DDX42: variants seen among roughly 807,000 people sequenced by gnomAD.
DDX42 encodes ATP-dependent RNA helicase DDX42.
A neutral mutation model predicts 101.5 loss-of-function variants in DDX42; 22 were observed. The ratio of observed to expected loss-of-function variants is 0.22; its 90% CI spans 0.15 to 0.31. The LOEUF (loss-of-function observed/expected upper bound fraction) is 0.31, where lower values mean the gene tolerates loss of function less well. DDX42 is among the 10% of genes least tolerant of loss of function. The pLI, the probability that DDX42 is intolerant of heterozygous loss-of-function variation, is 1.00. For synonymous variants in DDX42, 402 were observed against 401.2 expected (o/e 1.00, Z -0.02); for missense variants, 849 against 1,199.9 (o/e 0.71, Z 4.32).
Position 63,805,131 on chromosome 17 carries a change from A to T in DDX42, c.682A>T (p.Thr228Ser), listed in dbSNP as rs1238330319. 6.2e-7 allele frequency: 1 copy of T among 1,613,122 alleles called. No individual in the cohort carries two copies. The highest frequency in any genetic ancestry group is 1.7e-5 in the Admixed American group (1 of 59,762). Residue 228 changes from threonine to serine, a missense_variant, in exon 7 of 18, where the codon ACT (threonine) becomes TCT (serine). By Grantham distance (58) the Thr-to-Ser change is moderately conservative. Around this residue, in one of 5 missense-constraint regions of DDX42, gnomAD observed 370 missense variants for 608.8 expected, o/e 0.61. Transcript: ENST00000389924. ...TGAGCATGAAGAGATAACCAACCTC[A>T]CTCCACAGCAGTTAATAGATCTCCG... The part of the protein sequence containing the change: ...YNEHEEITNL[T>S]PQQLIDLRHK...
intron 14 of DDX42, 29 bp from the exon 15 acceptor site, chr17:63,813,199 T>C (rs1272252039): frequency 6.4e-7 from 1 of 1,567,672 alleles, no homozygotes; most frequent in Non-Finnish European, 8.7e-7. Context: ...AGATGAAGAA[T>C]AAAAGAATTT....
At chr17:63,793,987 T>C (rs1458142440) in intron 3 of DDX42, among the ~76,000 whole-genome samples, 1 of 152,054 alleles carries the variant, frequency 6.6e-6, no homozygotes, top group Non-Finnish European at 1.5e-5. Flanking sequence ...CTAATTTCGC[T>C]TGCTTAGTAG....
chr17:63,806,427 T>A, intron 7 of DDX42, 108 bp from the exon 8 acceptor site: 1 of 1,279,272 alleles, frequency 7.8e-7, no homozygotes, highest in Non-Finnish European at 1.0e-6. Context: ...ACTTGTATTT[T>A]TACTTCATAC....
chr17:63,810,553 C>T lies in DDX42; in HGVS notation c.1293C>T (p.Asp431=), dbSNP rs149469109. 1.4e-5 allele frequency: 22 copies of T among 1,613,912 alleles called. No homozygotes were observed. In the African/African-American group the frequency reaches 2.3e-4, roughly 17 times the overall value. ...CCATAGCAAGTCATGTTCGTCCTGA[C>T]AGGCAGAGTATGTATGAAGCACCTT... The part of the protein sequence containing the change: ...VRSIASHVRP[D]RQTLLFSATF... Residue 431 remains aspartate, a synonymous_variant, in exon 12 of 18, where the codon GAC becomes GAT. Transcript: ENST00000389924.
At chr17:63,778,904 T>A (rs1047451708) in intron 1 of DDX42, among the ~76,000 whole-genome samples, 1 of 152,030 alleles carries the variant, frequency 6.6e-6, no homozygotes, top group Non-Finnish European at 1.5e-5. Context: ...CTCCCAATAA[T>A]CAGAAATTTT....
intron 6 of DDX42, among the ~76,000 whole-genome samples, chr17:63,803,355 A>G (rs1203599084): frequency 6.6e-6 from 1 of 151,894 alleles, no homozygotes; most frequent in Admixed American, 6.6e-5. Flanking sequence ...TTGGGAGGCC[A>G]AGGTGGGCAG....
At chr17:63,783,577 A>AT (rs757571587) in intron 1 of DDX42, among the ~76,000 whole-genome samples, 1 of 152,288 alleles carries the variant, frequency 6.6e-6, no homozygotes, top group Non-Finnish European at 1.5e-5. Context: ...AATTACGTTG[A>AT]TTCCTTGATT....
chr17:63,799,551 AT>A (rs2039736985), intron 4 of DDX42, 37 bp from the exon 5 acceptor site: 1 of 1,611,762 alleles, frequency 6.2e-7, no homozygotes, highest in African/African-American at 1.3e-5. Context: ...TATGTGGAAC[AT>A]TTGCAGGGAA....
intron 12 of DDX42, 91 bp downstream of exon 12, chr17:63,810,651 G>T: frequency 7.7e-7 from 1 of 1,292,954 alleles, no homozygotes. Flanking sequence ...AAGTAAAAAT[G>T]ATCTTGTGTC....
At position 63,810,509 on chromosome 17, in the gene DDX42, G is replaced by A. The variant is rs1168527167; in HGVS notation, c.1253-4G>A. 6.2e-7 allele frequency: 1 copy of A among 1,613,718 alleles called. No individual in the cohort carries two copies. The highest frequency in any genetic ancestry group is 1.1e-5 in the South Asian group (1 of 91,056). On this transcript the variant is annotated splice_region_variant and splice_polypyrimidine_tract_variant and intron_variant, in intron 11 of 17. Coordinates refer to ENST00000389924, the MANE Select transcript of DDX42 (RefSeq NM_203499.3). Reference sequence around the variant, plus strand: ...TAATAATTTTATTGTTCTGTTTCTTGCAGAGTACCAAGTTCGATCCATAGC... The same window carrying A: ...TAATAATTTTATTGTTCTGTTTCTTACAGAGTACCAAGTTCGATCCATAGC...
intron 1 of DDX42, among the ~76,000 whole-genome samples, chr17:63,776,620 G>A (rs1460455525): frequency 2.0e-5 from 3 of 150,672 alleles, no homozygotes; most frequent in Non-Finnish European, 4.4e-5. Context: ...CTTGAGATAG[G>A]TGATAGTCTC....
At chr17:63,793,340 T>C (rs1179433451) in intron 3 of DDX42, among the ~76,000 whole-genome samples, 1 of 152,026 alleles carries the variant, frequency 6.6e-6, no homozygotes, top group East Asian at 1.9e-4. Flanking sequence ...TGATCATGGC[T>C]CACTGCAGCC....
At chr17:63,797,899 T>C (rs765231976) in intron 3 of DDX42, 139 bp from the exon 4 acceptor site, 13 of 720,892 alleles carry the variant, frequency 1.8e-5, no homozygotes, top group Non-Finnish European at 2.9e-5. Context: ...AAAATAATTG[T>C]CAAAATGCAA....
At chr17:63,779,876 C>T (rs1027693557) in intron 1 of DDX42, among the ~76,000 whole-genome samples, 2 of 152,128 alleles carry the variant, frequency 1.3e-5, no homozygotes, top group African/African-American at 4.8e-5. Flanking sequence ...CTGCATCTGC[C>T]TCTTTTATTT....
chr17:63,787,315 A>G, intron 2 of DDX42, 45 bp downstream of exon 2: 1 of 1,581,316 alleles, frequency 6.3e-7, no homozygotes, highest in South Asian at 1.1e-5. Context: ...GGACTTTGAT[A>G]TATTCATTCT....
chr17:63,796,942 T>C (rs2039700668), intron 3 of DDX42, among the ~76,000 whole-genome samples: 1 of 152,172 alleles, frequency 6.6e-6, no homozygotes, highest in Admixed American at 6.6e-5. Flanking sequence ...TTTAAAAATC[T>C]GAGATTGCCA....
At chr17:63,786,645 G>T (rs7225092) in intron 1 of DDX42, among the ~76,000 whole-genome samples, 40,743 of 151,960 alleles carry the variant, frequency 0.27, 5,699 homozygotes, top group Middle Eastern at 0.37. Context: ...TTAGGTGGAG[G>T]TTGGAAGAGA....
At chr17:63,808,995 G>A in intron 10 of DDX42, 47 bp downstream of exon 10, 1 of 1,597,254 alleles carries the variant, frequency 6.3e-7, no homozygotes, top group Non-Finnish European at 8.5e-7. Flanking sequence ...CCCTCGGTAT[G>A]GAAAACATGA....
At chr17:63,798,145 G>T (rs1268085114) in intron 4 of DDX42, 46 bp downstream of exon 4, 1 of 1,578,070 alleles carries the variant, frequency 6.3e-7, no homozygotes. Flanking sequence ...GAAAACTGCT[G>T]AAGTATTGCA....
Sources: gnomAD v4.1 joint callset for allele counts (sites outside exome capture counted in the v4.1 genomes callset) on GRCh38, gnomAD v4.1.1 for gene constraint, gnomAD v4.1.1 regional missense constraint, MANE v1.5 for transcripts, NCBI Gene and HGNC (gene_info 2026-07-23, HGNC 2026-07-21) for gene names.